The following TLN2 variants were observed in gnomAD, a reference collection of about 807,000 sequenced individuals.
TLN2 encodes talin 2, also known as talin-2.
Under a neutral mutation model 294.7 loss-of-function variants are expected in TLN2, and 118 were observed. The observed-to-expected ratio is 0.40, with a 90% CI of 0.34 to 0.47. The LOEUF is 0.47. Ranked by LOEUF, TLN2 falls within the 20% of genes least tolerant of loss-of-function variation. The pLI, the probability that TLN2 is intolerant of heterozygous loss-of-function variation, is 0.84. For synonymous variants in TLN2, 1,431 were observed against 1,304.5 expected (o/e 1.10, Z -2.09); for missense variants, 3,083 against 3,282.2 (o/e 0.94, Z 1.48).
intron 34 of TLN2, among the ~76,000 whole-genome samples, chr15:62,751,315 A>G (rs971013695): frequency 6.6e-6 from 1 of 152,182 alleles, no homozygotes; most frequent in East Asian, 1.9e-4. Flanking sequence ...TAGCGGGGAA[A>G]CATCTGTGCT....
intron 1 of TLN2, among the ~76,000 whole-genome samples, chr15:62,517,851 C>G (rs1437450283): frequency 1.3e-5 from 2 of 152,108 alleles, no homozygotes; most frequent in Non-Finnish European, 2.9e-5. Context: ...GACTCTGTAG[C>G]CATGTCCCAG....
chr15:62,505,215 C>A (rs1180034899), intron 1 of TLN2, among the ~76,000 whole-genome samples: 1 of 152,160 alleles, frequency 6.6e-6, no homozygotes, highest in Non-Finnish European at 1.5e-5. Context: ...CCTCGGCCTC[C>A]CAAAGTGCTG....
chr15:62,529,409 T>C (rs2040917744), intron 1 of TLN2, among the ~76,000 whole-genome samples: 1 of 152,174 alleles, frequency 6.6e-6, no homozygotes, highest in East Asian at 1.9e-4. Context: ...TTTTATCGTC[T>C]ACTGTAAAGT....
At position 62,708,509 on chromosome 15, in the gene TLN2, G is replaced by A. The variant is rs2059213652; in HGVS notation, c.2180G>A (p.Ser727Asn). The change falls in exon 21 of 59, where the codon AGC (serine) becomes AAC (asparagine). Residue 727 changes from serine (S) to asparagine (N), a missense_variant. Coordinates refer to ENST00000636159, the MANE Select transcript of TLN2 (RefSeq NM_015059.3). ...GTTCCTGTCTCACTTCAGGTTGTGA[G>A]CCCCACTATTAGCTCCCCTGTGTGC... ...SQLVACAKVV[S>N]PTISSPVCQE... The A allele has an allele frequency of 1.9e-6, 3 of 1,612,558 alleles. 1 individual carries two copies. The highest frequency in any genetic ancestry group is 3.3e-4 in the Middle Eastern group (2 of 6,060).
intron 50 of TLN2, among the ~76,000 whole-genome samples, chr15:62,801,186 G>A (rs1206850932): frequency 3.9e-5 from 6 of 152,186 alleles, no homozygotes; most frequent in South Asian, 2.1e-4. Context: ...GAAGTCTGCC[G>A]TTTGCTGTTG....
chr15:62,601,889 C>A (rs2047042300), intron 2 of TLN2, among the ~76,000 whole-genome samples: 1 of 151,980 alleles, frequency 6.6e-6, no homozygotes, highest in African/African-American at 2.4e-5. Context: ...TCAGATTGTC[C>A]CATATTTGGC....
At position 62,793,084 on chromosome 15, in the gene TLN2, C is replaced by T. The variant is rs540403129; in HGVS notation, c.5883+297C>T. Among the ~76,000 whole-genome samples, 6 of 152,352 alleles carry T rather than the reference C, an allele frequency of 3.9e-5. No homozygotes were observed. The South Asian group carries it at 1.2e-3, about 32-fold the overall frequency. ...AGGCAGATTGTATCAAAGTCCCCAT[C>T]AGCAGCCAGGAGCCCCTGGTCAGGG... On this transcript the variant is annotated intron_variant, in intron 46 of 58. Coordinates refer to ENST00000636159, the MANE Select transcript of TLN2 (RefSeq NM_015059.3).
rs58523803 is a variant in TLN2, at chr15:62,570,903, CTGTGTGTGTGTGTGTGTGTG to C, written c.-237-18762_-237-18743del. ...GGAAGAAGCTTCCATGCACAGGCAT[CTGTGTGTGTGTGTGTGTGTG>C]TGTGTGTGTGTGTGTGTGTGTAGGG... On this transcript the variant is annotated intron_variant, in intron 1 of 58. Coordinates refer to ENST00000636159, the MANE Select transcript of TLN2 (RefSeq NM_015059.3). Among the ~76,000 whole-genome samples the C allele has an allele frequency of 2.1e-3, 307 of 143,918 alleles. 1 individual carries two copies. The highest frequency in any genetic ancestry group is 7.5e-3 in the African/African-American group (294 of 39,378). The allele number at this position is 143,918 out of a possible 152,430, so 94.4% of individuals were successfully genotyped here. A position where few individuals can be genotyped will look rare whatever the true frequency, so the allele number is the denominator to read the frequency against.
At chr15:62,617,010 C>G (rs2048365059) in intron 2 of TLN2, among the ~76,000 whole-genome samples, 1 of 152,008 alleles carries the variant, frequency 6.6e-6, no homozygotes, top group Non-Finnish European at 1.5e-5. Flanking sequence ...TTTCTAATAG[C>G]TCTAATAGAA....
chr15:62,838,794 A>T (rs964946609), intron 57 of TLN2, 62 bp from the exon 58 acceptor site: 2 of 1,594,046 alleles, frequency 1.3e-6, no homozygotes, highest in Non-Finnish European at 1.7e-6. Context: ...CTTCATGTCT[A>T]TTCTTGCCAG....
At chr15:62,831,642 T>C (rs1463603294) in intron 54 of TLN2, 1 of 152,178 alleles carries the variant, frequency 6.6e-6, no homozygotes, top group African/African-American at 2.4e-5. Flanking sequence ...ACTAAATTCA[T>C]GTCTGTCCTG....
At chr15:62,757,248 C>T (rs2062331092) in intron 37 of TLN2, among the ~76,000 whole-genome samples, 1 of 152,154 alleles carries the variant, frequency 6.6e-6, no homozygotes, top group Non-Finnish European at 1.5e-5. Flanking sequence ...TGCTTTCAGC[C>T]CTGGCATGCT....
At position 62,823,902 on chromosome 15, in the gene TLN2, G is replaced by A. The variant is rs370698259; in HGVS notation, c.7002+3292G>A. 30 of 494,780 alleles carry A rather than the reference G, an allele frequency of 6.1e-5. 1 individual carries two copies. Among genetic ancestry groups the A allele is most frequent in the Non-Finnish European group, 8.4e-5 (20 of 238,906 alleles). 30.6% of individuals were successfully genotyped at this position (494,780 alleles called of 1,614,324 possible). A position where few individuals can be genotyped will look rare whatever the true frequency, so the allele number is the denominator to read the frequency against. ...GCAAAAGTGACCACCCCCTGCAGCC[G>A]TAACCTTCAATACTGTGCCTAGTCT... On this transcript the variant is annotated intron_variant, in intron 54 of 58. Transcript: ENST00000636159.
At chr15:62,559,331 A>T (rs2042782431) in intron 1 of TLN2, among the ~76,000 whole-genome samples, 1 of 152,168 alleles carries the variant, frequency 6.6e-6, no homozygotes, top group African/African-American at 2.4e-5. Flanking sequence ...AGGCCAGCGG[A>T]TGTGGACTGA....
chr15:62,741,748 C>CGCGCGCGCGCGTGTCTGTGTGTGTGTGT, intron 32 of TLN2, among the ~76,000 whole-genome samples: 2 of 131,072 alleles, frequency 1.5e-5, no homozygotes, highest in Non-Finnish European at 3.2e-5. Flanking sequence ...AAAATTTGCG[C>CGCGCGCGCGCGTGTCTGTGTGTGTGTGT]GTGTGTGTGT....
chr15:62,578,212 G>T (rs572471074), intron 1 of TLN2, among the ~76,000 whole-genome samples: 1 of 152,222 alleles, frequency 6.6e-6, no homozygotes, highest in African/African-American at 2.4e-5. Context: ...ACATGACGTG[G>T]TAAATAAGTT....
chr15:62,584,858 C>G (rs1596248075), intron 1 of TLN2, among the ~76,000 whole-genome samples: 1 of 152,212 alleles, frequency 6.6e-6, no homozygotes, highest in East Asian at 1.9e-4. Context: ...GTGATCACTT[C>G]AAGCCAAGAG....
chr15:62,732,634 C>T (rs1168305877), intron 28 of TLN2, among the ~76,000 whole-genome samples: 4 of 152,066 alleles, frequency 2.6e-5, no homozygotes, highest in Non-Finnish European at 4.4e-5. Context: ...ATGGATTGGA[C>T]GGAAACAAAG....
intron 12 of TLN2, among the ~76,000 whole-genome samples, chr15:62,688,633 C>G (rs976312563): frequency 3.9e-5 from 6 of 152,086 alleles, no homozygotes; most frequent in African/African-American, 7.2e-5. Flanking sequence ...ATGGATTTTT[C>G]TACTTTTTCT....
Sources: gnomAD v4.1 joint callset for allele counts (sites outside exome capture counted in the v4.1 genomes callset) on GRCh38, gnomAD v4.1.1 for gene constraint, MANE v1.5 for transcripts, NCBI Gene and HGNC (gene_info 2026-07-23, HGNC 2026-07-21) for gene names.